MYCBPAP: variants seen among roughly 807,000 people sequenced by gnomAD.
The protein encoded by MYCBPAP is MYCBP-associated protein.
In MYCBPAP, 60 loss-of-function variants were observed where a neutral mutation model predicts 106.1. The ratio of observed to expected loss-of-function variants is 0.57; its 90% CI spans 0.46 to 0.70. The LOEUF is 0.70. Among genes scored for constraint, MYCBPAP ranks in the 30% least tolerant of loss-of-function variants. The pLI is 0.00. For missense variants in MYCBPAP, 1,064 were observed against 1,169.3 expected (o/e 0.91, Z 1.31); for synonymous variants, 407 against 440.6 (o/e 0.92, Z 0.95).
rs897099370 is a variant in MYCBPAP at position 50,514,146 on chromosome 17, C to T, written c.77-2424C>T. Among the ~76,000 whole-genome samples, 5 of 152,206 alleles carry T rather than the reference C, an allele frequency of 3.3e-5. No homozygotes were observed. The East Asian group carries it at 9.6e-4, about 29-fold the overall frequency. The stretch of plus-strand genomic sequence containing the variant: ...TCAAGCAATCCTCCCATCTCGGCCT[C>T]TCAAAGTGTTGGGATTACAAGCGTA... On this transcript the variant is annotated intron_variant, in intron 1 of 18. Coordinates refer to ENST00000323776, the MANE Select transcript of MYCBPAP (RefSeq NM_032133.6).
chr17:50,519,177 C>T (rs2143941764), intron 6 of MYCBPAP, 88 bp downstream of exon 6: 1 of 931,468 alleles, frequency 1.1e-6, no homozygotes, highest in East Asian at 2.6e-5. Flanking sequence ...GGATGCTGGT[C>T]TCAGGTGGCA....
chr17:50,514,570 C>G (rs138674302), intron 1 of MYCBPAP, among the ~76,000 whole-genome samples: 1 of 152,184 alleles, frequency 6.6e-6, no homozygotes, highest in Non-Finnish European at 1.5e-5. Context: ...TGACCTGTGA[C>G]CCCCTTCTGC....
chr17:50,508,330 C>T, upstream of MYCBPAP: 2 of 473,152 alleles, frequency 4.2e-6, no homozygotes, highest in Non-Finnish European at 7.3e-6. Flanking sequence ...CAGCCCTCGG[C>T]TCCCGCAACT....
chr17:50,529,175 G>T lies in MYCBPAP; in HGVS notation c.2711G>T (p.Ser904Ile). ...CTGGTCATGGGGAAATACACCCAGAGCCTGCACAGTGAGGTGAAGGGAAGC... is the reference window on the plus strand; with the variant it reads ...CTGGTCATGGGGAAATACACCCAGATCCTGCACAGTGAGGTGAAGGGAAGC... ...DPLVMGKYTQSLHSEVRGLLD... is the reference protein window; with the variant it reads ...DPLVMGKYTQILHSEVRGLLD... Residue 904 changes from serine (S) to isoleucine (I), a missense_variant, in exon 18 of 19, where the codon AGC becomes ATC. Physicochemically the swap from Ser to Ile is moderately radical, Grantham distance 142 (BLOSUM62 -2). Transcript: ENST00000323776. The T allele has an allele frequency of 6.2e-7, 1 of 1,612,650 alleles. No homozygotes were observed. Among genetic ancestry groups the T allele is most frequent in the Non-Finnish European group, 8.5e-7 (1 of 1,179,904 alleles).
chr17:50,510,497 GTGT>G (rs1174807506), intron 1 of MYCBPAP: 3 of 89,520 alleles, frequency 3.4e-5, no homozygotes, highest in African/African-American at 1.5e-4. Flanking sequence ...GTGTGTGTGT[GTGT>G]ATATATATAT....
intron 13 of MYCBPAP, among the ~76,000 whole-genome samples, chr17:50,525,426 T>A (rs2034425071): frequency 6.6e-6 from 1 of 152,170 alleles, no homozygotes; most frequent in Non-Finnish European, 1.5e-5. Context: ...GTTCTGCGCA[T>A]CTTCCATGAG....
intron 14 of MYCBPAP, 66 bp from the exon 15 acceptor site, chr17:50,527,221 C>T (rs1016133702): frequency 1.9e-6 from 3 of 1,599,106 alleles, no homozygotes; most frequent in African/African-American, 1.3e-5. Flanking sequence ...CCCACATCAC[C>T]ATGCCCTTCA....
At chr17:50,508,222 A>T, upstream of MYCBPAP, 2 of 287,816 alleles carry the variant, frequency 6.9e-6, no homozygotes. Context: ...GGCGGGAAGC[A>T]GGGGCTGGCA....
In MYCBPAP at chr17:50,518,683, G is replaced by A. The variant is rs745717495; in HGVS notation, c.611G>A (p.Arg204His). The change falls in exon 5 of 19, where the codon CGT becomes CAT. Residue 204 changes from arginine (R) to histidine (H), a missense_variant. By Grantham distance (29) the Arg-to-His change is conservative. Coordinates refer to ENST00000323776, the MANE Select transcript of MYCBPAP (RefSeq NM_032133.6). Reference protein sequence around the residue: ...PQHNFLKNWQRNTALRKKQQE... With the variant: ...PQHNFLKNWQHNTALRKKQQE... ...CACAACTTTCTGAAAAACTGGCAGCGTAACACAGCCCTGCGGAAGAAGCAG... is the reference window on the plus strand; with the variant it reads ...CACAACTTTCTGAAAAACTGGCAGCATAACACAGCCCTGCGGAAGAAGCAG... The A allele has an allele frequency of 3.9e-5, 62 of 1,604,252 alleles. No homozygotes were observed. Among genetic ancestry groups the A allele is most frequent in the South Asian group, 5.6e-5 (5 of 89,762 alleles).
rs150383633 is a variant in MYCBPAP, at chr17:50,519,226, T to G, written c.768+137T>G. On this transcript the variant is annotated intron_variant, in intron 6 of 18. Coordinates refer to ENST00000323776, the MANE Select transcript of MYCBPAP (RefSeq NM_032133.6). ...AAAACCTATCCATTGCAAAACATCA[T>G]TAGGCCCTCAAGGCCTTTACTAAAT... The G allele has an allele frequency of 1.6e-3, 1,047 of 636,888 alleles. 13 individuals are homozygous for G. The African/African-American group carries it at 0.018, about 11-fold the overall frequency. 39.5% of individuals were successfully genotyped at this position (636,888 alleles called of 1,614,324 possible).
chr17:50,530,157 A>G (rs1177391743), intron 18 of MYCBPAP: 4 of 391,760 alleles, frequency 1.0e-5, no homozygotes, highest in Non-Finnish European at 1.5e-5. Context: ...CTGAGGACCC[A>G]TGGGGGTCAA....
At chr17:50,515,518 G>A (rs2034017044) in intron 1 of MYCBPAP, among the ~76,000 whole-genome samples, 1 of 152,190 alleles carries the variant, frequency 6.6e-6, no homozygotes, top group Non-Finnish European at 1.5e-5. Flanking sequence ...ATGGATCAGT[G>A]CCAGCACTGG....
chr17:50,528,027 G>A, intron 15 of MYCBPAP, 128 bp from the exon 16 acceptor site: 1 of 759,998 alleles, frequency 1.3e-6, no homozygotes, highest in Admixed American at 2.1e-5. Context: ...GATGCTGGCT[G>A]TTCAGGGGTG....
At position 50,518,551 on chromosome 17, in the gene MYCBPAP, G is replaced by A. The variant is rs748849452; in HGVS notation, c.479G>A (p.Arg160Gln). ...LARGNTQLAE[R>Q]IPTSPCLMTL... Reference sequence around the variant, plus strand: ...TGTTGTACTTTTCAGCTGGCTGAGCGGATACCTACCTCACCCTGTCTGATG... The same window carrying A: ...TGTTGTACTTTTCAGCTGGCTGAGCAGATACCTACCTCACCCTGTCTGATG... The change falls in exon 5 of 19, where the codon CGG (arginine) becomes CAG (glutamine). Residue 160 changes from arginine (R) to glutamine (Q), a missense_variant. By Grantham distance (43) the Arg-to-Gln change is conservative. Transcript: ENST00000323776. The A allele has an allele frequency of 1.1e-5, 18 of 1,577,728 alleles. No homozygotes were observed. The highest frequency in any genetic ancestry group is 6.9e-5 in the African/African-American group (5 of 72,776).
At position 50,520,982 on chromosome 17, in the gene MYCBPAP, A is replaced by G. The variant is rs1393616626; in HGVS notation, c.917-128A>G. On this transcript the variant is annotated intron_variant, in intron 7 of 18. Transcript: ENST00000323776. Reference sequence around the variant, plus strand: ...AGGAGAACGGGAGTCTAGCTGCCACAGGGAAGCTGTATTTTTAGTCCTTCC... The same window carrying G: ...AGGAGAACGGGAGTCTAGCTGCCACGGGGAAGCTGTATTTTTAGTCCTTCC... 1.1e-5 allele frequency: 8 copies of G among 707,226 alleles called. No individual in the cohort carries two copies. The Admixed American group carries it at 1.9e-4, about 17-fold the overall frequency. 43.8% of individuals were successfully genotyped at this position (707,226 alleles called of 1,614,324 possible).
chr17:50,519,885 C>T (rs1367858763), intron 7 of MYCBPAP, 98 bp downstream of exon 7: 15 of 1,367,426 alleles, frequency 1.1e-5, no homozygotes, highest in Non-Finnish European at 1.5e-5. Flanking sequence ...GAAACAGGCC[C>T]AGGGCCTGTT....
intron 5 of MYCBPAP, 27 bp downstream of exon 5, chr17:50,518,751 C>T: frequency 6.4e-7 from 1 of 1,553,790 alleles, no homozygotes; most frequent in South Asian, 1.2e-5. Flanking sequence ...GGGCTCCCGC[C>T]CGGCCTCCAT....
Position 50,524,995 on chromosome 17 carries a change from AAG to A in MYCBPAP, c.1756_1757del (p.Asp586LeufsTer12). On this transcript the variant is annotated frameshift_variant, in exon 13 of 19. Transcript: ENST00000323776. LOFTEE classifies it high-confidence loss of function. ...CCTGTGGATGCCTATCTCACCGAGG[AAG>A]ACTTGTTCCGGCACAGAAATCCTCC... 6.2e-7 allele frequency: 1 copy of A among 1,613,594 alleles called. No homozygotes were observed. Among genetic ancestry groups the A allele is most frequent in the South Asian group, 1.1e-5 (1 of 91,074 alleles).
intron 13 of MYCBPAP, among the ~76,000 whole-genome samples, chr17:50,525,378 G>A (rs981262825): frequency 3.3e-5 from 5 of 152,206 alleles, no homozygotes; most frequent in African/African-American, 4.8e-5. Flanking sequence ...GCTGCCCTAG[G>A]TGACAGTAAT....
Sources: gnomAD v4.1 joint callset for allele counts (sites outside exome capture counted in the v4.1 genomes callset) on GRCh38, gnomAD v4.1.1 for gene constraint, MANE v1.5 for transcripts, NCBI Gene and HGNC (gene_info 2026-07-23, HGNC 2026-07-21) for gene names.